MACROD2: variants seen among roughly 807,000 people sequenced by gnomAD.
MACROD2 encodes the protein mono-ADP ribosylhydrolase 2, also known as ADP-ribose glycohydrolase MACROD2.
In MACROD2, 36 loss-of-function variants were observed where a neutral mutation model predicts 70.4. The ratio of observed to expected loss-of-function variants is 0.51; its 90% CI spans 0.39 to 0.68. The LOEUF (loss-of-function observed/expected upper bound fraction) is 0.68. Ranked by LOEUF, MACROD2 falls within the 30% of genes least tolerant of loss-of-function variation. The pLI, the probability that MACROD2 is intolerant of heterozygous loss-of-function variation, is 0.00. For missense variants in MACROD2, 496 were observed against 538.4 expected (o/e 0.92, Z 0.78); for synonymous variants, 172 against 178.8 (o/e 0.96, Z 0.30).
At chr20:14,941,073 T>A (rs1353875557) in intron 5 of MACROD2, among the ~76,000 whole-genome samples, 1 of 152,148 alleles carries the variant, frequency 6.6e-6, no homozygotes, top group Non-Finnish European at 1.5e-5. Flanking sequence ...TCATTACTCA[T>A]TATTAGTTTG....
intron 4 of MACROD2, among the ~76,000 whole-genome samples, chr20:14,592,569 G>T (rs1195804512): frequency 6.6e-6 from 1 of 152,056 alleles, no homozygotes; most frequent in African/African-American, 2.4e-5. Flanking sequence ...GACCACAGGC[G>T]CAGGCCACCA....
intron 10 of MACROD2, among the ~76,000 whole-genome samples, chr20:15,898,292 A>G (rs558738777): frequency 2.6e-5 from 4 of 152,206 alleles, no homozygotes; most frequent in Admixed American, 6.5e-5. Flanking sequence ...GCTCATGCCT[A>G]TAATCCCAGC....
chr20:15,522,315 G>A (rs912958536), intron 8 of MACROD2, among the ~76,000 whole-genome samples: 2 of 152,132 alleles, frequency 1.3e-5, no homozygotes, highest in African/African-American at 4.8e-5. Context: ...TCTACTGTTT[G>A]TCCTGTCTGC....
chr20:14,498,308 A>G (rs548657291), intron 4 of MACROD2, among the ~76,000 whole-genome samples: 202 of 148,780 alleles, frequency 1.4e-3, no homozygotes, highest in Non-Finnish European at 1.3e-3. Flanking sequence ...AAAGAAAAAA[A>G]GAAGAGTGAA....
intron 5 of MACROD2, among the ~76,000 whole-genome samples, chr20:15,107,223 AAAAC>A (rs1247271844): frequency 1.3e-5 from 2 of 151,888 alleles, no homozygotes; most frequent in Non-Finnish European, 2.9e-5. Context: ...TATGACACTG[AAAAC>A]AAACACACAT....
intron 15 of MACROD2, among the ~76,000 whole-genome samples, chr20:15,996,731 GC>G (rs760303685): frequency 1.3e-5 from 2 of 151,596 alleles, no homozygotes; most frequent in South Asian, 4.2e-4. Flanking sequence ...ATTTATTTTT[GC>G]TTTTTTCACT....
chr20:14,484,036 C>T (rs529455309), intron 3 of MACROD2, among the ~76,000 whole-genome samples: 2 of 152,268 alleles, frequency 1.3e-5, no homozygotes, highest in Admixed American at 6.5e-5. Flanking sequence ...TTTACATTTA[C>T]ATCAGAAGCA....
intron 7 of MACROD2, among the ~76,000 whole-genome samples, chr20:15,437,639 C>A (rs2046443626): frequency 6.6e-6 from 1 of 152,102 alleles, no homozygotes; most frequent in Non-Finnish European, 1.5e-5. Context: ...TTTCTGCTCC[C>A]CTCCTTCCTC....
intron 3 of MACROD2, among the ~76,000 whole-genome samples, chr20:14,369,604 C>G (rs6131576): frequency 2.6e-5 from 4 of 152,176 alleles, no homozygotes; most frequent in African/African-American, 9.6e-5. Context: ...TTGGAGCTAC[C>G]TACTCCGTCA....
rs6131550 is a variant in MACROD2 at position 14,047,494 on chromosome 20, A to C, written c.164-38127A>C. ...AAAAAAATCCATGGAAATGATAAAC[A>C]CCAAACTTAGGTTATTCCTGGGAGT... On this transcript the variant is annotated intron_variant, in intron 2 of 17. Coordinates refer to ENST00000684519, the MANE Select transcript of MACROD2 (RefSeq NM_001351661.2). Among the ~76,000 whole-genome samples, 7 of 151,774 alleles carry C rather than the reference A, an allele frequency of 4.6e-5. No homozygotes were observed. In the East Asian group the frequency reaches 1.4e-3, roughly 29 times the overall value.
chr20:14,729,735 A>G (rs2123699545), intron 5 of MACROD2, among the ~76,000 whole-genome samples: 1 of 152,280 alleles, frequency 6.6e-6, no homozygotes, highest in Middle Eastern at 3.4e-3. Context: ...CTCTCAATAC[A>G]AATCACAAAA....
chr20:14,601,160 A>G (rs1274424074), intron 4 of MACROD2, among the ~76,000 whole-genome samples: 2 of 152,186 alleles, frequency 1.3e-5, no homozygotes, highest in Non-Finnish European at 2.9e-5. Context: ...CCTTCAGCAC[A>G]GTAGGCACAG....
At chr20:15,214,417 A>G (rs1449219551) in intron 5 of MACROD2, among the ~76,000 whole-genome samples, 1 of 152,048 alleles carries the variant, frequency 6.6e-6, no homozygotes, top group East Asian at 1.9e-4. Context: ...GAAATTCTAT[A>G]CATTGCAAGC....
At chr20:15,084,066 T>TTTG (rs1555780879) in intron 5 of MACROD2, among the ~76,000 whole-genome samples, 2 of 68,338 alleles carry the variant, frequency 2.9e-5, no homozygotes, top group South Asian at 6.9e-4. Flanking sequence ...TAGGTTTTTT[T>TTTG]TTTTTGTTTT....
intron 8 of MACROD2, among the ~76,000 whole-genome samples, chr20:15,713,944 T>C (rs1158032419): frequency 2.6e-5 from 4 of 151,394 alleles, no homozygotes; most frequent in Admixed American, 2.6e-4. Context: ...AGTTGGGATA[T>C]GGAGCCAGCA....
chr20:14,424,044 G>A (rs1258082095), intron 3 of MACROD2, among the ~76,000 whole-genome samples: 1 of 152,042 alleles, frequency 6.6e-6, no homozygotes, highest in Non-Finnish European at 1.5e-5. Flanking sequence ...TTACAGGCAT[G>A]AGCCACCACG....
At chr20:14,937,584 G>A (rs2074351694) in intron 5 of MACROD2, among the ~76,000 whole-genome samples, 1 of 150,890 alleles carries the variant, frequency 6.6e-6, no homozygotes. Context: ...GAGGTAACAT[G>A]TGATAATGTA....
At chr20:15,620,227 T>C (rs1183716861) in intron 8 of MACROD2, among the ~76,000 whole-genome samples, 1 of 152,048 alleles carries the variant, frequency 6.6e-6, no homozygotes, top group Non-Finnish European at 1.5e-5. Context: ...ATTCACTGAG[T>C]TAAGAAGGAA....
intron 6 of MACROD2, among the ~76,000 whole-genome samples, chr20:15,409,501 T>C (rs1290604243): frequency 2.0e-5 from 3 of 152,214 alleles, no homozygotes; most frequent in African/African-American, 7.2e-5. Flanking sequence ...AAAGATGGTT[T>C]GAACATTTGC....
Sources: gnomAD v4.1 joint callset for allele counts (sites outside exome capture counted in the v4.1 genomes callset) on GRCh38, gnomAD v4.1.1 for gene constraint, MANE v1.5 for transcripts, NCBI Gene and HGNC (gene_info 2026-07-23, HGNC 2026-07-21) for gene names.